The following NPAS4 variants were observed in gnomAD, a reference collection of about 807,000 sequenced individuals.
The protein encoded by NPAS4 is neuronal PAS domain protein 4.
Under a neutral mutation model 64.0 loss-of-function variants are expected in NPAS4, and 10 were observed. The ratio of observed to expected loss-of-function variants is 0.16; its 90% CI spans 0.10 to 0.26. NPAS4 has a LOEUF of 0.26. NPAS4 is among the 10% of genes least tolerant of loss of function. NPAS4 has a pLI of 1.00. For synonymous variants in NPAS4, 441 were observed against 411.7 expected (o/e 1.07, Z -0.86); for missense variants, 886 against 992.6 (o/e 0.89, Z 1.44).
chr11:66,421,982 C>A, intron 1 of NPAS4, 138 bp from the exon 2 acceptor site: 1 of 712,592 alleles, frequency 1.4e-6, no homozygotes, highest in Non-Finnish European at 2.4e-6. Context: ...GAGCTGCGGG[C>A]AGCGGGTCAA....
chr11:66,424,518 A>G lies in NPAS4; in HGVS notation c.1628A>G (p.Asp543Gly), dbSNP rs1408743878. The change falls in exon 7 of 8, where the codon GAC becomes GGC. Residue 543 changes from aspartate (D) to glycine (G), a missense_variant. Asp to Gly is a moderately conservative substitution (Grantham distance 94). This residue lies in a region of NPAS4 where 820 missense variants were observed against 855.5 expected (regional missense o/e 0.96). Coordinates refer to ENST00000311034, the MANE Select transcript of NPAS4 (RefSeq NM_178864.4). Reference sequence around the variant, plus strand: ...AGCACAGCATTCCAAGCACACCTGGACAGCCCCAGCCAAACCTTCCCAGAG... The same window carrying G: ...AGCACAGCATTCCAAGCACACCTGGGCAGCCCCAGCCAAACCTTCCCAGAG... ...PPSTAFQAHL[D>G]SPSQTFPEQL... 3.7e-6 allele frequency: 6 copies of G among 1,614,142 alleles called. No individual in the cohort carries two copies. In the Middle Eastern group the frequency reaches 6.6e-4, roughly 178 times the overall value.
chr11:66,411,891 C>G, the NPAS4 span, among the ~76,000 whole-genome samples: 1 of 152,196 alleles, frequency 6.6e-6, no homozygotes, highest in African/African-American at 2.4e-5. Flanking sequence ...TAGATTTCCT[C>G]TCTGTTGGCC....
chr11:66,423,981 C>T lies in NPAS4; in HGVS notation c.1091C>T (p.Thr364Ile). The change falls in exon 7 of 8, where the codon ACC becomes ATC. Residue 364 changes from threonine (T) to isoleucine (I), a missense_variant. Physicochemically the swap from Thr to Ile is moderately conservative, Grantham distance 89. Transcript: ENST00000311034. Reference sequence around the variant, plus strand: ...TGCTCCAGCACTAACCCACTCTTCACCGCAGCACTGGGGGCTCCCAGAAGC... The same window carrying T: ...TGCTCCAGCACTAACCCACTCTTCATCGCAGCACTGGGGGCTCCCAGAAGC... Reference protein sequence around the residue: ...EECSSTNPLFTAALGAPRSTS... With the variant: ...EECSSTNPLFIAALGAPRSTS... 6.2e-7 allele frequency: 1 copy of T among 1,614,154 alleles called. No homozygotes were observed. Among genetic ancestry groups the T allele is most frequent in the Non-Finnish European group, 8.5e-7 (1 of 1,180,014 alleles).
chr11:66,420,903 C>T (rs1037897912), upstream of NPAS4: 5 of 400,884 alleles, frequency 1.2e-5, no homozygotes, highest in African/African-American at 2.1e-5. Context: ...GGAGGAGGAG[C>T]CCCCCTCCCC....
intron 7 of NPAS4, among the ~76,000 whole-genome samples, chr11:66,425,585 TC>T (rs1304554253): frequency 6.6e-6 from 1 of 152,044 alleles, no homozygotes; most frequent in African/African-American, 2.4e-5. Context: ...ATAATCAAGG[TC>T]CCAGAGTTAA....
Position 66,424,454 on chromosome 11 carries a change from C to A in NPAS4, c.1564C>A (p.Pro522Thr). 3 of 1,614,140 alleles carry A rather than the reference C, an allele frequency of 1.9e-6. No individual in the cohort carries two copies. Among genetic ancestry groups the A allele is most frequent in the Non-Finnish European group, 2.5e-6 (3 of 1,179,990 alleles). The change falls in exon 7 of 8, where the codon CCT becomes ACT. Residue 522 changes from proline to threonine, a missense_variant. Transcript: ENST00000311034. ...TCCCAGCACAGCCACCTTCCCAGAGCCTCTGGGCAGCCCTGCCCATGAACA... is the reference window on the plus strand; with the variant it reads ...TCCCAGCACAGCCACCTTCCCAGAGACTCTGGGCAGCCCTGCCCATGAACA... ...LLPSTATFPE[P>T]LGSPAHEQLT...
chr11:66,423,493 C>T (rs1373430096), intron 5 of NPAS4, 85 bp from the exon 6 acceptor site: 1 of 1,515,522 alleles, frequency 6.6e-7, no homozygotes, highest in Non-Finnish European at 9.1e-7. Flanking sequence ...ACGGCTATCT[C>T]AATTCAGTGG....
chr11:66,419,271 G>T (rs1856702644), upstream of NPAS4, among the ~76,000 whole-genome samples: 2 of 152,028 alleles, frequency 1.3e-5, no homozygotes, highest in Admixed American at 6.6e-5. Context: ...CCACAGGATG[G>T]CCCCAACCTC....
Position 66,422,193 on chromosome 11 carries a change from C to A in NPAS4, c.249C>A (p.Gly83=), listed in dbSNP as rs1181559079. ...ELEDIVAALP[G]FLLVFTAEGK... The stretch of plus-strand genomic sequence containing the variant: ...AGGACATCGTAGCGGCACTACCCGG[C>A]TTTCTGCTTGTGTTCACAGCCGAGG... Residue 83 remains glycine, a synonymous_variant, in exon 2 of 8, where the codon GGC becomes GGA. Coordinates refer to ENST00000311034, the MANE Select transcript of NPAS4 (RefSeq NM_178864.4). The A allele has an allele frequency of 6.2e-7, 1 of 1,613,964 alleles. No individual in the cohort carries two copies. The highest frequency in any genetic ancestry group is 1.1e-5 in the South Asian group (1 of 91,080).
chr11:66,424,726 T>C lies in NPAS4; in HGVS notation c.1836T>C (p.Pro612=). 4.3e-6 allele frequency: 7 copies of C among 1,613,650 alleles called. No individual in the cohort carries two copies. The highest frequency in any genetic ancestry group is 5.9e-6 in the Non-Finnish European group (7 of 1,179,792). The change falls in exon 7 of 8, where the codon CCT becomes CCC. Residue 612 remains proline, a synonymous_variant. Transcript: ENST00000311034. ...VPLVPEGLLT[P]EASPVKQSFF... Reference sequence around the variant, plus strand: ...TGGTGCCCGAAGGCCTGCTCACACCTGAGGCCTCTCCAGTCAAGCAGAGTT... The same window carrying C: ...TGGTGCCCGAAGGCCTGCTCACACCCGAGGCCTCTCCAGTCAAGCAGAGTT...
intron 7 of NPAS4, among the ~76,000 whole-genome samples, 170 bp from the exon 8 acceptor site, chr11:66,425,789 GTT>G (rs1378534967): frequency 1.3e-5 from 2 of 152,210 alleles, no homozygotes; most frequent in Admixed American, 6.5e-5. Context: ...TACAGCCACA[GTT>G]TCACTCCGTC....
Position 66,425,132 on chromosome 11 carries a change from C to T in NPAS4, c.2242C>T (p.Pro748Ser). 3 of 1,606,186 alleles carry T rather than the reference C, an allele frequency of 1.9e-6. No homozygotes were observed. Among genetic ancestry groups the T allele is most frequent in the Non-Finnish European group, 2.5e-6 (3 of 1,177,378 alleles). Residue 748 changes from proline to serine, a missense_variant, in exon 7 of 8, where the codon CCA (proline) becomes TCA (serine). Around this residue, in one of 3 missense-constraint regions of NPAS4, gnomAD observed 820 missense variants for 855.5 expected, o/e 0.96. Coordinates refer to ENST00000311034, the MANE Select transcript of NPAS4 (RefSeq NM_178864.4). ...GAPSPCNNLS[P>S]EDHSFLEDLA... ...CCCATCGCCTTGCAACAACCTGTCCCCAGAAGACCACAGCTTCCTGGAGGA... is the reference window on the plus strand; with the variant it reads ...CCCATCGCCTTGCAACAACCTGTCCTCAGAAGACCACAGCTTCCTGGAGGA...
At chr11:66,413,752 T>A in the NPAS4 span, among the ~76,000 whole-genome samples, 1 of 152,180 alleles carries the variant, frequency 6.6e-6, no homozygotes, top group Non-Finnish European at 1.5e-5. Flanking sequence ...CAAATGCACC[T>A]GCTTGGGGAG....
chr11:66,411,973 C>T, the NPAS4 span, among the ~76,000 whole-genome samples: 2 of 152,214 alleles, frequency 1.3e-5, no homozygotes, highest in African/African-American at 2.4e-5. Context: ...TTAATACACT[C>T]ATCAGGTACA....
intron 7 of NPAS4, 131 bp from the exon 8 acceptor site, chr11:66,425,830 C>T (rs1179706496): frequency 9.9e-6 from 7 of 709,266 alleles, no homozygotes; most frequent in African/African-American, 3.5e-5. Context: ...ATCTACTGAG[C>T]CTCTGGCCAT....
At position 66,426,011 on chromosome 11, in the gene NPAS4, G is replaced by T. The variant is rs767509687; in HGVS notation, c.*22G>T. 1.5e-5 allele frequency: 24 copies of T among 1,595,782 alleles called. No individual in the cohort carries two copies. In the East Asian group the frequency reaches 5.1e-4, roughly 34 times the overall value. ...TTGAATAAGTCTGTGACTTAACGTC[G>T]TCAAGTATGGCATATTGTCATCAAG... On this transcript the variant is annotated 3_prime_UTR_variant, in exon 8 of 8. Transcript: ENST00000311034.
the NPAS4 span, among the ~76,000 whole-genome samples, chr11:66,411,923 TG>T: frequency 2.0e-5 from 3 of 152,208 alleles, no homozygotes; most frequent in African/African-American, 7.2e-5. Flanking sequence ...AGAGTAATGA[TG>T]GCTGGCATGT....
chr11:66,421,032 G>C, upstream of NPAS4: 1 of 674,996 alleles, frequency 1.5e-6, no homozygotes, highest in Non-Finnish European at 2.5e-6. Context: ...AGGCAGGCGA[G>C]GGGGGCAGCG....
chr11:66,420,326 T>A (rs1175189127), upstream of NPAS4, among the ~76,000 whole-genome samples: 1 of 152,258 alleles, frequency 6.6e-6, no homozygotes, highest in East Asian at 1.9e-4. Flanking sequence ...CAAATTCAGC[T>A]GGTCCCTTTC....
Sources: gnomAD v4.1 joint callset for allele counts (sites outside exome capture counted in the v4.1 genomes callset) on GRCh38, gnomAD v4.1.1 for gene constraint, gnomAD v4.1.1 regional missense constraint, MANE v1.5 for transcripts, NCBI Gene and HGNC (gene_info 2026-07-23, HGNC 2026-07-21) for gene names.